LINGO2: variants seen among roughly 807,000 people sequenced by gnomAD.
LINGO2 encodes the protein leucine rich repeat and Ig domain containing 2.
A neutral mutation model predicts 30.6 loss-of-function variants in LINGO2; 14 were observed. That is an observed-to-expected ratio of 0.46 (90% CI 0.30 to 0.72). The LOEUF is 0.72. Ranked by LOEUF, LINGO2 falls within the 30% of genes least tolerant of loss-of-function variation. The pLI is 0.07. For missense variants in LINGO2, 729 were observed against 751.7 expected, an observed-to-expected ratio of 0.97 and a Z score of 0.35; for synonymous variants, 317 against 288.5, an observed-to-expected ratio of 1.10 and a Z score of -1.00.
chr9:28,476,400 C>A (rs1309367595), intron 1 of LINGO2, among the ~76,000 whole-genome samples: 1 of 152,118 alleles, frequency 6.6e-6, no homozygotes, highest in Admixed American at 6.5e-5. Flanking sequence ...CTCAGCCTCC[C>A]GAGTAGCTGG....
At chr9:28,990,872 C>T in the LINGO2 span, among the ~76,000 whole-genome samples, 1 of 152,120 alleles carries the variant, frequency 6.6e-6, no homozygotes, top group Non-Finnish European at 1.5e-5. Flanking sequence ...CCATCATCAC[C>T]ATCATCAAAG....
the LINGO2 span, among the ~76,000 whole-genome samples, chr9:28,952,273 T>A: frequency 1.3e-5 from 2 of 152,142 alleles, no homozygotes; most frequent in African/African-American, 4.8e-5. Flanking sequence ...AATATTTTAA[T>A]GGTTAAGGGT....
chr9:29,203,251 G>A, the LINGO2 span, among the ~76,000 whole-genome samples: 1 of 151,864 alleles, frequency 6.6e-6, no homozygotes, highest in South Asian at 2.1e-4. Flanking sequence ...AGGTTTTAAG[G>A]AAAAAAATAA....
intron 4 of LINGO2, among the ~76,000 whole-genome samples, chr9:28,138,059 C>T (rs969436927): frequency 2.0e-5 from 3 of 152,134 alleles, no homozygotes; most frequent in African/African-American, 7.2e-5. Context: ...GATATCATTC[C>T]TATTTTATAG....
chr9:29,064,201 G>T, the LINGO2 span, among the ~76,000 whole-genome samples: 2 of 151,862 alleles, frequency 1.3e-5, no homozygotes, highest in Non-Finnish European at 2.9e-5. Flanking sequence ...TATTCCTAGA[G>T]TCACCATGAT....
At chr9:29,086,816 C>T in the LINGO2 span, among the ~76,000 whole-genome samples, 1 of 151,878 alleles carries the variant, frequency 6.6e-6, no homozygotes, top group Non-Finnish European at 1.5e-5. Flanking sequence ...TCATATACCA[C>T]AGTTACTACT....
chr9:28,086,865 C>T (rs948720275), intron 4 of LINGO2, among the ~76,000 whole-genome samples: 1 of 151,910 alleles, frequency 6.6e-6, no homozygotes, highest in African/African-American at 2.4e-5. Context: ...AGCAAGTATT[C>T]TAGATTGATT....
In LINGO2 at chr9:28,505,671, T is replaced by C. The variant is rs12686252; in HGVS notation, c.-364-29646A>G. Among the ~76,000 whole-genome samples, 303 of 152,066 alleles carry C rather than the reference T, an allele frequency of 2.0e-3. 4 individuals are homozygous for C. In the East Asian group the frequency reaches 0.037, roughly 18 times the overall value. On this transcript the variant is annotated intron_variant, in intron 1 of 5. Transcript: ENST00000379992. ...AAATAGTGCATTTACCTTTTCTTATTTGACCCTAAGACAAACAACTGCTAC... is the reference window on the plus strand; with the variant it reads ...AAATAGTGCATTTACCTTTTCTTATCTGACCCTAAGACAAACAACTGCTAC...
At position 28,524,826 on chromosome 9, in the gene LINGO2, A is replaced by C. The variant is rs188291714; in HGVS notation, c.-364-48801T>G. On this transcript the variant is annotated intron_variant, in intron 1 of 5. Coordinates refer to ENST00000379992, the Ensembl canonical transcript of LINGO2. ...CTTACAATTTAATACTAAAAAGATAAACAATGGAATTCAGAAATAAGCAAA... is the reference window on the plus strand; with the variant it reads ...CTTACAATTTAATACTAAAAAGATACACAATGGAATTCAGAAATAAGCAAA... Among the ~76,000 whole-genome samples, 204 of 152,312 alleles carry C rather than the reference A, an allele frequency of 1.3e-3. 1 individual carries two copies. The highest frequency in any genetic ancestry group is 4.5e-3 in the African/African-American group (186 of 41,570).
intron 4 of LINGO2, among the ~76,000 whole-genome samples, chr9:28,108,643 A>G (rs1460863409): frequency 6.6e-6 from 1 of 152,132 alleles, no homozygotes; most frequent in Non-Finnish European, 1.5e-5. Flanking sequence ...GTTCAGAGTA[A>G]AAAAGGCAAT....
At chr9:28,455,192 C>T (rs1019250350) in intron 2 of LINGO2, among the ~76,000 whole-genome samples, 5 of 151,804 alleles carry the variant, frequency 3.3e-5, no homozygotes, top group Middle Eastern at 3.2e-3. Context: ...TGGGAGACAT[C>T]GGTTAAGGGA....
the LINGO2 span, among the ~76,000 whole-genome samples, chr9:29,208,056 C>G: frequency 6.6e-6 from 1 of 151,986 alleles, no homozygotes; most frequent in Non-Finnish European, 1.5e-5. Context: ...GCAAATTCCA[C>G]TGTAAAAAAC....
At chr9:29,072,833 C>A in the LINGO2 span, among the ~76,000 whole-genome samples, 2 of 151,914 alleles carry the variant, frequency 1.3e-5, no homozygotes, top group South Asian at 2.1e-4. Flanking sequence ...AACTGAGCAA[C>A]AGAATTTTTA....
chr9:28,021,092 T>G (rs141653027), intron 4 of LINGO2, among the ~76,000 whole-genome samples: 1 of 152,252 alleles, frequency 6.6e-6, no homozygotes, highest in African/African-American at 2.4e-5. Flanking sequence ...AGGCTTAACT[T>G]GCTCTTTTTT....
chr9:28,654,315 C>T (rs1190504149), intron 1 of LINGO2, among the ~76,000 whole-genome samples: 1 of 152,050 alleles, frequency 6.6e-6, no homozygotes, highest in Non-Finnish European at 1.5e-5. Context: ...AAAAGCAATT[C>T]ATGTTTAATT....
At chr9:28,256,099 T>A (rs1336147008) in intron 4 of LINGO2, among the ~76,000 whole-genome samples, 2 of 152,032 alleles carry the variant, frequency 1.3e-5, no homozygotes, top group South Asian at 2.1e-4. Flanking sequence ...CAAAGAGATA[T>A]AGACCAACGA....
At chr9:29,055,645 G>C in the LINGO2 span, among the ~76,000 whole-genome samples, 1 of 152,032 alleles carries the variant, frequency 6.6e-6, no homozygotes. Context: ...CAATTTTTGA[G>C]ATTTTGGTGC....
intron 1 of LINGO2, among the ~76,000 whole-genome samples, chr9:28,664,935 A>G (rs545817805): frequency 1.4e-5 from 2 of 147,676 alleles, no homozygotes; most frequent in Admixed American, 6.8e-5. Context: ...AAAACTACCC[A>G]TCTAGAACAT....
chr9:28,573,412 T>G (rs1367417190), intron 1 of LINGO2, among the ~76,000 whole-genome samples: 1 of 152,154 alleles, frequency 6.6e-6, no homozygotes, highest in Non-Finnish European at 1.5e-5. Flanking sequence ...GACCCTAAAG[T>G]TGGCTACAGA....
Sources: allele counts gnomAD v4.1 joint callset (sites outside exome capture counted in the v4.1 genomes callset), GRCh38; gene constraint gnomAD v4.1.1; transcripts MANE v1.5; gene names NCBI Gene and HGNC (gene_info 2026-07-23, HGNC 2026-07-21).